The following MEI1 variants were observed in gnomAD, a reference collection of about 807,000 sequenced individuals.
The protein encoded by MEI1 is meiosis inhibitor protein 1.
MEI1 carries 103 observed loss-of-function variants against 146.2 expected under a neutral mutation model. The observed-to-expected ratio is 0.70, with a 90% CI of 0.60 to 0.83. The LOEUF is 0.83. MEI1 is among the 40% of genes least tolerant of loss of function. The probability of loss-of-function intolerance (pLI) is 0.00; values close to 1 mark genes in which losing one functional copy is unlikely to be tolerated. For missense variants in MEI1, 1,529 were observed against 1,533.0 expected (o/e 1.00, Z 0.04); for synonymous variants, 652 against 628.2 (o/e 1.04, Z -0.57).
At chr22:41,727,344 G>A (rs754061657) in intron 7 of MEI1, among the ~76,000 whole-genome samples, 11 of 152,224 alleles carry the variant, frequency 7.2e-5, no homozygotes, top group Non-Finnish European at 1.2e-4. Flanking sequence ...TGCAGTTAAC[G>A]CTTTTCTTGA....
intron 11 of MEI1, among the ~76,000 whole-genome samples, chr22:41,741,818 C>T (rs2072892122): frequency 6.6e-6 from 1 of 152,092 alleles, no homozygotes; most frequent in African/African-American, 2.4e-5. Flanking sequence ...GTGGCGTGCG[C>T]CTGTAGTCCC....
rs869223251 is a variant in MEI1 at position 41,793,032 on chromosome 22, C to CTTTTTTTTTT, written c.3346-775_3346-766dup. Among the ~76,000 whole-genome samples the CTTTTTTTTTT allele has an allele frequency of 9.9e-4, 48 of 48,448 alleles. 10 individuals are homozygous for CTTTTTTTTTT. The highest frequency in any genetic ancestry group is 5.5e-3 in the Admixed American group (15 of 2,740). 31.8% of individuals were successfully genotyped at this position (48,448 alleles called of 152,430 possible). On this transcript the variant is annotated intron_variant, in intron 26 of 30. Transcript: ENST00000401548. ...ATCTTCTTTTCTGAAACAAAGCATT[C>CTTTTTTTTTT]TTTTTTTTTTTTTTTTTTTTTTTTT...
At chr22:41,727,510 A>T (rs559904905) in intron 7 of MEI1, among the ~76,000 whole-genome samples, 27 of 151,930 alleles carry the variant, frequency 1.8e-4, no homozygotes, top group African/African-American at 6.3e-4. Flanking sequence ...TTGTGGGTAG[A>T]CTCCTAGATT....
intron 17 of MEI1, among the ~76,000 whole-genome samples, chr22:41,757,270 A>G (rs2074158429): frequency 6.7e-6 from 1 of 148,564 alleles, no homozygotes; most frequent in Non-Finnish European, 1.5e-5. Flanking sequence ...ATTTTTTTGT[A>G]TTTTTAGTAG....
chr22:41,743,038 C>A, intron 11 of MEI1, 42 bp from the exon 12 acceptor site: 1 of 1,432,094 alleles, frequency 7.0e-7, no homozygotes. Context: ...TTGGGAATAC[C>A]GTTGCCTTAC....
intron 26 of MEI1, among the ~76,000 whole-genome samples, chr22:41,789,306 C>A (rs1353326961): frequency 1.3e-5 from 2 of 151,874 alleles, no homozygotes; most frequent in Non-Finnish European, 2.9e-5. Flanking sequence ...AGCAAGACTC[C>A]ATCTCAAAAA....
At chr22:41,767,288 G>T (rs2074918866) in intron 19 of MEI1, among the ~76,000 whole-genome samples, 1 of 152,192 alleles carries the variant, frequency 6.6e-6, no homozygotes, top group South Asian at 2.1e-4. Flanking sequence ...CATGCATTGT[G>T]CAGAAAGGCA....
chr22:41,738,778 AAAAT>A (rs1378270023), intron 11 of MEI1, among the ~76,000 whole-genome samples: 4 of 130,664 alleles, frequency 3.1e-5, no homozygotes, highest in African/African-American at 3.1e-5. Flanking sequence ...CTCAAAAAAA[AAAAT>A]AAATAAATAA....
chr22:41,707,724 A>T (rs2069201823), intron 3 of MEI1, among the ~76,000 whole-genome samples: 1 of 152,218 alleles, frequency 6.6e-6, no homozygotes, highest in African/African-American at 2.4e-5. Context: ...GGAAGCAGAC[A>T]GGAAACCCAT....
In MEI1 at chr22:41,784,724, C is replaced by T. The variant is rs1602145603; in HGVS notation, c.3286C>T (p.Pro1096Ser). 1.9e-6 allele frequency: 3 copies of T among 1,613,408 alleles called. No individual in the cohort carries two copies. In the East Asian group the frequency reaches 6.7e-5, roughly 36 times the overall value. Residue 1096 changes from proline (P) to serine (S), a missense_variant, in exon 26 of 31, where the codon CCA becomes TCA. Coordinates refer to ENST00000401548, the MANE Select transcript of MEI1 (RefSeq NM_152513.4). ...LPATKDTVLA[P>S]LRMSQVRSLV... The stretch of plus-strand genomic sequence containing the variant: ...AGCCACCAAGGACACTGTCCTAGCT[C>T]CACTGCGAATGTCGCAAGTCCGGTC...
chr22:41,746,164 C>G, intron 14 of MEI1, 138 bp downstream of exon 14: 1 of 667,784 alleles, frequency 1.5e-6, no homozygotes. Context: ...CTTGCTGCTA[C>G]CTTTCCTTTG....
intron 7 of MEI1, among the ~76,000 whole-genome samples, chr22:41,727,624 T>A (rs2071477895): frequency 6.6e-6 from 1 of 152,022 alleles, no homozygotes; most frequent in Admixed American, 6.6e-5. Flanking sequence ...AGACTACCCC[T>A]AGGTTTGATG....
At chr22:41,729,334 G>A (rs956623850) in intron 7 of MEI1, among the ~76,000 whole-genome samples, 6 of 152,148 alleles carry the variant, frequency 3.9e-5, no homozygotes, top group African/African-American at 1.4e-4. Context: ...AGTGAGACCT[G>A]TTTCATAAAT....
chr22:41,702,201 C>T (rs745803499), intron 1 of MEI1, among the ~76,000 whole-genome samples: 1 of 152,196 alleles, frequency 6.6e-6, no homozygotes, highest in Non-Finnish European at 1.5e-5. Context: ...AGTGCAATGG[C>T]GCAATCTTGG....
At chr22:41,714,508 G>A (rs145594799) in intron 4 of MEI1, among the ~76,000 whole-genome samples, 6 of 152,172 alleles carry the variant, frequency 3.9e-5, no homozygotes, top group Admixed American at 2.0e-4. Context: ...TACTGAAGGC[G>A]TTTGCTTCTA....
intron 24 of MEI1, among the ~76,000 whole-genome samples, chr22:41,783,828 T>C (rs2075849453): frequency 6.6e-6 from 1 of 152,146 alleles, no homozygotes; most frequent in Admixed American, 6.6e-5. Context: ...TACAGACACA[T>C]GCTACCATGC....
chr22:41,757,004 C>A (rs1262291377), intron 17 of MEI1, among the ~76,000 whole-genome samples: 1 of 152,246 alleles, frequency 6.6e-6, no homozygotes, highest in Non-Finnish European at 1.5e-5. Flanking sequence ...GGCATGTCTT[C>A]TCATGCCTTC....
chr22:41,785,369 T>C (rs2075927229), intron 26 of MEI1, among the ~76,000 whole-genome samples: 1 of 151,786 alleles, frequency 6.6e-6, no homozygotes, highest in Non-Finnish European at 1.5e-5. Flanking sequence ...TTCACGCCAT[T>C]CTCCTGCCTC....
At chr22:41,759,702 G>A (rs573408061) in intron 18 of MEI1, among the ~76,000 whole-genome samples, 14 of 151,992 alleles carry the variant, frequency 9.2e-5, no homozygotes, top group East Asian at 1.9e-4. Flanking sequence ...GGTGGCAGGC[G>A]CCTGTAGTCC....
Sources: allele counts gnomAD v4.1 joint callset (sites outside exome capture counted in the v4.1 genomes callset), GRCh38; gene constraint gnomAD v4.1.1; transcripts MANE v1.5; gene names NCBI Gene and HGNC (gene_info 2026-07-23, HGNC 2026-07-21).